The following LRP6 variants were observed in gnomAD, a reference collection of about 807,000 sequenced individuals.
LRP6 encodes the protein LDL receptor related protein 6.
A neutral mutation model predicts 184.1 loss-of-function variants in LRP6; 43 were observed. The ratio of observed to expected loss-of-function variants is 0.23; its 90% CI spans 0.18 to 0.30. The LOEUF (loss-of-function observed/expected upper bound fraction) is 0.30, where lower values mean the gene tolerates loss of function less well. LRP6 is among the 10% of genes least tolerant of loss of function. The probability of loss-of-function intolerance (pLI) is 1.00; values close to 1 mark genes in which losing one functional copy is unlikely to be tolerated. For missense variants in LRP6, 1,571 were observed against 2,005.3 expected (o/e 0.78, Z 4.14); for synonymous variants, 719 against 684.9 (o/e 1.05, Z -0.78).
intron 15 of LRP6, 31 bp downstream of exon 15, chr12:12,147,335 A>T (rs1950023152): frequency 3.1e-6 from 5 of 1,610,330 alleles, no homozygotes; most frequent in Non-Finnish European, 4.2e-6. Flanking sequence ...AAAAACTCAA[A>T]TTAAAATAAG....
intron 1 of LRP6, among the ~76,000 whole-genome samples, chr12:12,250,719 T>C (rs1865305175): frequency 6.6e-6 from 1 of 151,484 alleles, no homozygotes; most frequent in African/African-American, 2.4e-5. Context: ...GACTCCCTGG[T>C]TCAAGAGATT....
At chr12:12,234,551 G>A (rs779673144) in intron 2 of LRP6, among the ~76,000 whole-genome samples, 3 of 151,860 alleles carry the variant, frequency 2.0e-5, no homozygotes, top group East Asian at 1.9e-4. Context: ...ACACATTCAC[G>A]GCTGGGCACA....
At chr12:12,205,382 G>A (rs543135029) in intron 2 of LRP6, among the ~76,000 whole-genome samples, 1 of 126,876 alleles carries the variant, frequency 7.9e-6, no homozygotes, top group East Asian at 2.3e-4. Context: ...CTATGAAACA[G>A]ATCAGGCACT....
intron 2 of LRP6, among the ~76,000 whole-genome samples, chr12:12,215,829 T>C (rs12366664): frequency 0.4 from 60,884 of 150,838 alleles, 14,896 homozygotes; most frequent in East Asian, 0.76. Context: ...CTGGCTAACA[T>C]GGTGAAACCC....
chr12:12,148,935 AAC>A lies in LRP6; in HGVS notation c.3206+5_3206+6del, dbSNP rs772085076. 6.2e-7 allele frequency: 1 copy of A among 1,609,776 alleles called. No individual in the cohort carries two copies. The highest frequency in any genetic ancestry group is 1.7e-5 in the Admixed American group (1 of 60,012). ...CACAGTATCTGAACGCCACTTTAGT[AAC>A]ATACCCTTTCTCTGGGTTTACCACA... On this transcript the variant is annotated splice_donor_5th_base_variant and intron_variant, in intron 14 of 22. Coordinates refer to ENST00000261349, the MANE Select transcript of LRP6 (RefSeq NM_002336.3).
chr12:12,190,974 G>A (rs1470453257), intron 3 of LRP6, among the ~76,000 whole-genome samples: 1 of 152,140 alleles, frequency 6.6e-6, no homozygotes, highest in Admixed American at 6.5e-5. Context: ...ATACAAAATG[G>A]TAGAGAAAAC....
chr12:12,131,120 T>A (rs7962676), intron 18 of LRP6, among the ~76,000 whole-genome samples: 1 of 142,872 alleles, frequency 7.0e-6, no homozygotes, highest in African/African-American at 2.7e-5. Flanking sequence ...TTTTTTTTTT[T>A]TTTTTGAGAC....
chr12:12,121,023 C>A lies in LRP6; in HGVS notation c.*103G>T. On this transcript the variant is annotated 3_prime_UTR_variant, in exon 23 of 23. Transcript: ENST00000261349. ...TTTTATAATTTTAACTGTACATGGT[C>A]TGCCTCATCCTTCTCTAATAGCTCC... is the stretch of plus-strand genomic sequence containing the variant. The A allele has an allele frequency of 1.0e-6, 1 of 957,878 alleles. No individual in the cohort carries two copies. Among genetic ancestry groups the A allele is most frequent in the South Asian group, 1.8e-5 (1 of 54,226 alleles). The allele number at this position is 957,878 out of a possible 1,614,324, so 59.3% of individuals were successfully genotyped here. A position where few individuals can be genotyped will look rare whatever the true frequency, so the allele number is the denominator to read the frequency against.
intron 1 of LRP6, among the ~76,000 whole-genome samples, chr12:12,259,032 C>A (rs748753727): frequency 2.4e-4 from 37 of 152,166 alleles, no homozygotes; most frequent in African/African-American, 7.2e-4. Context: ...AAGGCCAAAG[C>A]GGGTGGACCA....
rs1222509983 is a variant in LRP6 at position 12,179,800 on chromosome 12, A to G, written c.1545+10T>C. The G allele has an allele frequency of 1.2e-6, 2 of 1,613,464 alleles. No homozygotes were observed. Among genetic ancestry groups the G allele is most frequent in the Non-Finnish European group, 1.7e-6 (2 of 1,179,714 alleles). On this transcript the variant is annotated intron_variant, in intron 7 of 22. Coordinates refer to ENST00000261349, the MANE Select transcript of LRP6 (RefSeq NM_002336.3). ...AAAGTGGCTTGAAAATGAAAAAGCA[A>G]AAAACAAACCTCAATCTTGTCTGTT...
Position 12,211,436 on chromosome 12 carries a change from C to T in LRP6, c.450-8036G>A, listed in dbSNP as rs187992940. On this transcript the variant is annotated intron_variant, in intron 2 of 22. Coordinates refer to ENST00000261349, the MANE Select transcript of LRP6 (RefSeq NM_002336.3). ...CAGTCTGGGTGACAGAGCAACACTCCGTCTCAAAAAAAGAGAGTCTGGAAT... is the reference window on the plus strand; with the variant it reads ...CAGTCTGGGTGACAGAGCAACACTCTGTCTCAAAAAAAGAGAGTCTGGAAT... 2.1e-4 allele frequency among the ~76,000 whole-genome samples: 32 copies of T among 152,060 alleles called. No homozygotes were observed. In the East Asian group the frequency reaches 6.0e-3, roughly 28 times the overall value.
intron 17 of LRP6, 59 bp downstream of exon 17, chr12:12,135,116 C>G (rs543940397): frequency 8.1e-6 from 13 of 1,610,954 alleles, no homozygotes; most frequent in Non-Finnish European, 5.9e-6. Context: ...GAAGTCTAGG[C>G]TTAAGATATG....
At chr12:12,149,586 G>A (rs1049799007) in intron 13 of LRP6, among the ~76,000 whole-genome samples, 2 of 152,186 alleles carry the variant, frequency 1.3e-5, no homozygotes, top group Non-Finnish European at 1.5e-5. Context: ...TGTCACGACT[G>A]TGGGAATACA....
chr12:12,135,364 G>A (rs1261017695), intron 16 of LRP6, 64 bp from the exon 17 acceptor site: 2 of 1,176,892 alleles, frequency 1.7e-6, no homozygotes, highest in South Asian at 1.2e-5. Context: ...AAGTGGGAGA[G>A]AAGAGAAAAA....
chr12:12,137,794 C>T (rs1407073163), intron 16 of LRP6, among the ~76,000 whole-genome samples: 1 of 152,020 alleles, frequency 6.6e-6, no homozygotes, highest in Non-Finnish European at 1.5e-5. Context: ...AGACCCATGC[C>T]TTTCCCCCAT....
rs115498482 is a variant in LRP6 at position 12,130,487 on chromosome 12, A to G, written c.4081+296T>C. On this transcript the variant is annotated intron_variant, in intron 19 of 22. Transcript: ENST00000261349. Reference sequence around the variant, plus strand: ...AGGTGTGAGCCACCACGCCCGGCTGATTTCTATGTATCTAAATGATTTGAG... The same window carrying G: ...AGGTGTGAGCCACCACGCCCGGCTGGTTTCTATGTATCTAAATGATTTGAG... 8.0e-3 allele frequency among the ~76,000 whole-genome samples: 1,214 copies of G among 152,274 alleles called. 14 individuals carry two copies. Among genetic ancestry groups the G allele is most frequent in the African/African-American group, 0.028 (1,157 of 41,554 alleles).
intron 3 of LRP6, among the ~76,000 whole-genome samples, chr12:12,195,411 C>T (rs1863726373): frequency 6.6e-6 from 1 of 151,954 alleles, no homozygotes; most frequent in South Asian, 2.1e-4. Flanking sequence ...TGAGATGATA[C>T]TTCATTGTGA....
chr12:12,163,905 G>A (rs558311606), intron 9 of LRP6, among the ~76,000 whole-genome samples: 8 of 152,158 alleles, frequency 5.3e-5, no homozygotes, highest in South Asian at 2.1e-4. Context: ...AGGACGAAGC[G>A]GGCGGATCAC....
chr12:12,166,661 A>G (rs1160163477), intron 7 of LRP6, among the ~76,000 whole-genome samples: 1 of 152,232 alleles, frequency 6.6e-6, no homozygotes, highest in Non-Finnish European at 1.5e-5. Flanking sequence ...CCAATATTAA[A>G]CTTTTAAAGA....
Sources: gnomAD v4.1 joint callset for allele counts (sites outside exome capture counted in the v4.1 genomes callset) on GRCh38, gnomAD v4.1.1 for gene constraint, MANE v1.5 for transcripts, NCBI Gene and HGNC (gene_info 2026-07-23, HGNC 2026-07-21) for gene names.